Variants in NFATC1 observed in about 807,000 individuals in gnomAD.
NFATC1 encodes the protein nuclear factor of activated T cells 1, also known as nuclear factor of activated T-cells, cytoplasmic 1.
Under a neutral mutation model 76.0 loss-of-function variants are expected in NFATC1, and 22 were observed. The observed-to-expected ratio is 0.29, with a 90% CI of 0.21 to 0.41. The LOEUF (loss-of-function observed/expected upper bound fraction) is 0.41, where lower values mean the gene tolerates loss of function less well. Among genes scored for constraint, NFATC1 ranks in the 10% least tolerant of loss-of-function variants. The probability of loss-of-function intolerance (pLI) is 1.00; values close to 1 mark genes in which losing one functional copy is unlikely to be tolerated. For missense variants in NFATC1, 1,357 were observed against 1,337.7 expected, an observed-to-expected ratio of 1.01 and a Z score of -0.23; for synonymous variants, 704 against 613.1, an observed-to-expected ratio of 1.15 and a Z score of -2.19.
chr18:79,440,401 C>T (rs1050602316), intron 3 of NFATC1, among the ~76,000 whole-genome samples: 2 of 152,210 alleles, frequency 1.3e-5, no homozygotes, highest in South Asian at 2.1e-4. Flanking sequence ...GGAGTGGACA[C>T]GTCACCTGGA....
intron 9 of NFATC1, among the ~76,000 whole-genome samples, chr18:79,490,372 C>T (rs535680788): frequency 6.8e-6 from 1 of 147,704 alleles, no homozygotes; most frequent in Non-Finnish European, 1.5e-5. Flanking sequence ...GGTGCAGGCC[C>T]AGGCTCTGGG....
chr18:79,432,210 C>T (rs1158260242), intron 2 of NFATC1, among the ~76,000 whole-genome samples: 3 of 152,240 alleles, frequency 2.0e-5, no homozygotes, highest in Admixed American at 6.5e-5. Flanking sequence ...TGGTCAGCAG[C>T]TCTAGGCAAT....
At chr18:79,419,451 A>T (rs2085992023) in intron 2 of NFATC1, among the ~76,000 whole-genome samples, 1 of 135,188 alleles carries the variant, frequency 7.4e-6, no homozygotes, top group African/African-American at 2.8e-5. Context: ...GAGCCCCCCT[A>T]GGAGGGCCGG....
At chr18:79,473,444 G>A (rs917077444) in intron 8 of NFATC1, among the ~76,000 whole-genome samples, 1 of 152,088 alleles carries the variant, frequency 6.6e-6, no homozygotes, top group Non-Finnish European at 1.5e-5. Flanking sequence ...TGAGGGAAGC[G>A]TGTTCTCAGC....
intron 2 of NFATC1, among the ~76,000 whole-genome samples, chr18:79,430,999 C>T (rs943346087): frequency 5.3e-5 from 8 of 152,224 alleles, no homozygotes; most frequent in Non-Finnish European, 1.2e-4. Flanking sequence ...TACTGGGTGT[C>T]CATGCTGATC....
At chr18:79,396,428 G>A in intron 1 of NFATC1, 77 bp downstream of exon 1, 3 of 980,466 alleles carry the variant, frequency 3.1e-6, no homozygotes, top group Non-Finnish European at 1.3e-6. Context: ...CCCCGCCCCC[G>A]TCGCCCGCAC....
chr18:79,447,830 C>T (rs1446526995), intron 3 of NFATC1, among the ~76,000 whole-genome samples: 3 of 152,278 alleles, frequency 2.0e-5, no homozygotes, highest in African/African-American at 7.2e-5. Flanking sequence ...CTAAAAATGA[C>T]TCACTGCTGA....
chr18:79,403,200 T>C (rs1463193023), intron 1 of NFATC1, among the ~76,000 whole-genome samples: 1 of 152,244 alleles, frequency 6.6e-6, no homozygotes, highest in Non-Finnish European at 1.5e-5. Flanking sequence ...TGGACTTAGG[T>C]CCAGGCTGCG....
Position 79,396,343 on chromosome 18 carries a change from C to A in NFATC1, c.119C>A (p.Ala40Glu). 1 of 1,383,092 alleles carries A rather than the reference C, an allele frequency of 7.2e-7. No individual in the cohort carries two copies. The highest frequency in any genetic ancestry group is 3.3e-5 in the East Asian group (1 of 29,860). 85.7% of individuals were successfully genotyped at this position (1,383,092 alleles called of 1,614,324 possible). A position where few individuals can be genotyped will look rare whatever the true frequency, so the allele number is the denominator to read the frequency against. The change falls in exon 1 of 10, where the codon GCG (alanine) becomes GAG (glutamate). Residue 40 changes from alanine to glutamate, a missense_variant. Transcript: ENST00000427363. ...APRAGGTMKS[A>E]EEEHYGYASS... The stretch of plus-strand genomic sequence containing the variant: ...CGCGCCGGCGGCACCATGAAGTCAG[C>A]GGAGGAAGGTAAGCCCCGCGCGGCC...
Position 79,467,589 on chromosome 18 carries a change from C to A in NFATC1, c.2092+7C>A. On this transcript the variant is annotated splice_region_variant and intron_variant, in intron 8 of 9. Coordinates refer to ENST00000427363, the MANE Select transcript of NFATC1 (RefSeq NM_001278669.2). ...ACCTACCTTCCCGCCAACGGTAACG[C>A]CATCTTTCTAACCGTAAGCCGTGAA... The A allele has an allele frequency of 4.3e-6, 7 of 1,613,872 alleles. No individual in the cohort carries two copies. Among genetic ancestry groups the A allele is most frequent in the Non-Finnish European group, 5.9e-6 (7 of 1,179,934 alleles).
In NFATC1 at chr18:79,396,101, C is replaced by A; in HGVS notation, c.-124C>A. 8.7e-7 allele frequency: 1 copy of A among 1,152,592 alleles called. No individual in the cohort carries two copies. The allele number at this position is 1,152,592 out of a possible 1,614,324, so 71.4% of individuals were successfully genotyped here. A position where few individuals can be genotyped will look rare whatever the true frequency, so the allele number is the denominator to read the frequency against. ...CACACGCCCCTCGATGACTTTCCTC[C>A]GGGGCGCGCGGCGCTGAGCCCGGGG... is the stretch of plus-strand genomic sequence containing the variant. On this transcript the variant is annotated 5_prime_UTR_variant, in exon 1 of 10. Coordinates refer to ENST00000427363, the MANE Select transcript of NFATC1 (RefSeq NM_001278669.2).
intron 3 of NFATC1, among the ~76,000 whole-genome samples, chr18:79,446,972 G>T (rs763010197): frequency 1.3e-5 from 2 of 152,210 alleles, no homozygotes; most frequent in Non-Finnish European, 2.9e-5. Flanking sequence ...AGCCTCACGC[G>T]GCGTCCCAGT....
Position 79,415,180 on chromosome 18 carries a change from T to C in NFATC1, c.1226+3679T>C, listed in dbSNP as rs1419178026. 2.0e-5 allele frequency among the ~76,000 whole-genome samples: 3 copies of C among 152,238 alleles called. No individual in the cohort carries two copies. The South Asian group carries it at 6.2e-4, about 31-fold the overall frequency. ...CCCAGACAGTCTCTGGAGTTGCCTT[T>C]GTAGAGGCAAGGTTGTAGGGGAATT... is the stretch of plus-strand genomic sequence containing the variant. On this transcript the variant is annotated intron_variant, in intron 2 of 9. Coordinates refer to ENST00000427363, the MANE Select transcript of NFATC1 (RefSeq NM_001278669.2).
intron 9 of NFATC1, chr18:79,527,201 G>A: frequency 3.7e-6 from 1 of 267,500 alleles, no homozygotes; most frequent in Admixed American, 4.6e-5. Context: ...TGGACCTGTG[G>A]GTCGCTTGGT....
chr18:79,468,072 AG>A (rs2088610613), intron 8 of NFATC1: 2 of 850,434 alleles, frequency 2.4e-6, no homozygotes, highest in African/African-American at 1.8e-5. Flanking sequence ...ACACTTCTCC[AG>A]GGGTAACTTC....
intron 6 of NFATC1, among the ~76,000 whole-genome samples, chr18:79,458,094 G>T (rs887507365): frequency 2.4e-4 from 37 of 152,236 alleles, no homozygotes; most frequent in African/African-American, 8.7e-4. Context: ...ACATGCCTCG[G>T]TGTGAAAGGG....
At chr18:79,510,679 T>C (rs1305408654) in intron 9 of NFATC1, among the ~76,000 whole-genome samples, 2 of 152,250 alleles carry the variant, frequency 1.3e-5, no homozygotes, top group African/African-American at 4.8e-5. Flanking sequence ...TTTCCAAGTC[T>C]GCTGGGTTTG....
In NFATC1 at chr18:79,433,614, C is replaced by A. The variant is rs1228550919; in HGVS notation, c.1262C>A (p.Ser421Tyr). 6.2e-7 allele frequency: 1 copy of A among 1,613,082 alleles called. No individual in the cohort carries two copies. Among genetic ancestry groups the A allele is most frequent in the Admixed American group, 1.7e-5 (1 of 60,028 alleles). The change falls in exon 3 of 10, where the codon TCC (serine) becomes TAC (tyrosine). Residue 421 changes from serine (S) to tyrosine (Y), a missense_variant. Ser to Tyr is a moderately radical substitution (Grantham distance 144, BLOSUM62 -2). Transcript: ENST00000427363. Reference sequence around the variant, plus strand: ...CCCGCCCTGGACTGGCAGCTGCCGTCCCACTCAGGCCCGTATGAGCTTCGG... The same window carrying A: ...CCCGCCCTGGACTGGCAGCTGCCGTACCACTCAGGCCCGTATGAGCTTCGG... ...TLPALDWQLPSHSGPYELRIE... is the reference protein window; with the variant it reads ...TLPALDWQLPYHSGPYELRIE...
intron 2 of NFATC1, among the ~76,000 whole-genome samples, chr18:79,416,761 C>T (rs1036600425): frequency 1.3e-5 from 2 of 152,230 alleles, no homozygotes; most frequent in Non-Finnish European, 2.9e-5. Flanking sequence ...CCCAACAACC[C>T]ACAGCCAGCC....
Sources: gnomAD v4.1 joint callset for allele counts (sites outside exome capture counted in the v4.1 genomes callset) on GRCh38, gnomAD v4.1.1 for gene constraint, MANE v1.5 for transcripts, NCBI Gene and HGNC (gene_info 2026-07-23, HGNC 2026-07-21) for gene names.